The following CALN1 variants were observed in gnomAD, a reference collection of about 807,000 sequenced individuals.
CALN1 encodes calcium-binding protein 8.
Under a neutral mutation model 30.6 loss-of-function variants are expected in CALN1, and 17 were observed. That is an observed-to-expected ratio of 0.56 (90% CI 0.38 to 0.83). CALN1 has a LOEUF of 0.83. CALN1 is among the 40% of genes least tolerant of loss of function. The pLI, the probability that CALN1 is intolerant of heterozygous loss-of-function variation, is 0.00. For missense variants in CALN1, 291 were observed against 354.9 expected (o/e 0.82, Z 1.45); for synonymous variants, 156 against 131.4 (o/e 1.19, Z -1.28).
chr7:71,845,387 C>G (rs1040710729), intron 5 of CALN1, among the ~76,000 whole-genome samples: 1 of 152,176 alleles, frequency 6.6e-6, no homozygotes, highest in Non-Finnish European at 1.5e-5. Context: ...GCCTGTGTTT[C>G]GTTTAGGTGT....
chr7:72,130,892 G>GAAC (rs1554449284), intron 3 of CALN1, among the ~76,000 whole-genome samples: 1 of 151,630 alleles, frequency 6.6e-6, no homozygotes, highest in Non-Finnish European at 1.5e-5. Flanking sequence ...TGAATAAACA[G>GAAC]GTTATTTTTG....
rs56197069 is a variant in CALN1, at chr7:72,311,651, A to ATTTTTTTTTTTTTTTT, written c.120-32857_120-32842dup. Among the ~76,000 whole-genome samples, 17 of 48,534 alleles carry ATTTTTTTTTTTTTTTT rather than the reference A, an allele frequency of 3.5e-4. 2 individuals are homozygous for ATTTTTTTTTTTTTTTT. Among genetic ancestry groups the ATTTTTTTTTTTTTTTT allele is most frequent in the African/African-American group, 8.7e-4 (11 of 12,580 alleles). 31.8% of individuals were successfully genotyped at this position (48,534 alleles called of 152,430 possible). A position where few individuals can be genotyped will look rare whatever the true frequency, so the allele number is the denominator to read the frequency against. ...CATGCCACCACAACGCCTGGCTGAG[A>ATTTTTTTTTTTTTTTT]TTTTTTTTTTTTTTTTTTTTTTTTT... On this transcript the variant is annotated intron_variant, in intron 2 of 6. Coordinates refer to ENST00000395275, the MANE Select transcript of CALN1 (RefSeq NM_031468.4).
chr7:72,108,547 A>C (rs1807336315), intron 3 of CALN1, among the ~76,000 whole-genome samples: 1 of 152,222 alleles, frequency 6.6e-6, no homozygotes, highest in Admixed American at 6.5e-5. Context: ...GACTTCTGAC[A>C]AACTCTAATT....
At chr7:72,502,583 T>C in the CALN1 span, among the ~76,000 whole-genome samples, 1 of 152,038 alleles carries the variant, frequency 6.6e-6, no homozygotes, top group Non-Finnish European at 1.5e-5. Flanking sequence ...CATTATAGAA[T>C]TTTCTATTTA....
chr7:72,122,336 C>T (rs1808455352), intron 3 of CALN1, among the ~76,000 whole-genome samples: 1 of 152,074 alleles, frequency 6.6e-6, no homozygotes, highest in Non-Finnish European at 1.5e-5. Flanking sequence ...AGAACAAAAT[C>T]CAAGTTCCAG....
chr7:72,153,390 A>C (rs748789187), intron 3 of CALN1, among the ~76,000 whole-genome samples: 14 of 152,040 alleles, frequency 9.2e-5, no homozygotes, highest in Non-Finnish European at 2.1e-4. Context: ...ATTTCTGGAA[A>C]GTTGTCAGCC....
chr7:72,124,388 T>C (rs998836619), intron 3 of CALN1, among the ~76,000 whole-genome samples: 1 of 152,130 alleles, frequency 6.6e-6, no homozygotes, highest in Non-Finnish European at 1.5e-5. Context: ...AATAATTAGA[T>C]GACACTTCGG....
At chr7:72,095,446 CAA>C (rs902658938) in intron 4 of CALN1, among the ~76,000 whole-genome samples, 6 of 152,154 alleles carry the variant, frequency 3.9e-5, no homozygotes, top group African/African-American at 1.4e-4. Context: ...GAGTGAAATA[CAA>C]AAGAGTTTAA....
intron 3 of CALN1, among the ~76,000 whole-genome samples, chr7:72,256,009 T>C (rs1442721179): frequency 6.6e-6 from 1 of 152,244 alleles, no homozygotes; most frequent in East Asian, 1.9e-4. Flanking sequence ...ATTACAGGCG[T>C]GAGCCACCGC....
chr7:72,316,186 A>G (rs1800434073), intron 2 of CALN1, among the ~76,000 whole-genome samples: 1 of 152,012 alleles, frequency 6.6e-6, no homozygotes, highest in South Asian at 2.1e-4. Context: ...TTGTCCTTAA[A>G]AAAATACTTA....
At chr7:72,262,104 T>G (rs763347123) in intron 3 of CALN1, among the ~76,000 whole-genome samples, 4 of 152,184 alleles carry the variant, frequency 2.6e-5, no homozygotes, top group Admixed American at 6.5e-5. Context: ...TCACCCTCCA[T>G]AGGGGAGTGA....
chr7:72,382,113 G>T (rs1307580211), intron 2 of CALN1, among the ~76,000 whole-genome samples: 1 of 152,186 alleles, frequency 6.6e-6, no homozygotes, highest in African/African-American at 2.4e-5. Context: ...CAAGCCCCTT[G>T]GATGGACCCT....
chr7:72,361,398 C>T (rs895163750), intron 2 of CALN1, among the ~76,000 whole-genome samples: 2 of 152,082 alleles, frequency 1.3e-5, no homozygotes, highest in Non-Finnish European at 2.9e-5. Context: ...CCCAGCTACT[C>T]AGGAGGCTGA....
At position 71,782,316 on chromosome 7, in the gene CALN1, C is replaced by G. The variant is rs1004993314; in HGVS notation, c.*5459G>C. 2.0e-5 allele frequency: 3 copies of G among 152,132 alleles called. No homozygotes were observed. Among genetic ancestry groups the G allele is most frequent in the African/African-American group, 7.2e-5 (3 of 41,416 alleles). The allele number at this position is 152,132 out of a possible 1,614,324, so 9.4% of individuals were successfully genotyped here. A position where few individuals can be genotyped will look rare whatever the true frequency, so the allele number is the denominator to read the frequency against. On this transcript the variant is annotated 3_prime_UTR_variant, in exon 7 of 7. Transcript: ENST00000395275. ...CGGGTTGTTAAGAAAAGGAGACTGG[C>G]ACCTCTTCTCCTCTCTCTTGCTCCT...
chr7:72,249,107 C>T (rs1429417531), intron 3 of CALN1, among the ~76,000 whole-genome samples: 1 of 152,188 alleles, frequency 6.6e-6, no homozygotes. Flanking sequence ...AACTAGACAT[C>T]GCAGAGTTCT....
intron 2 of CALN1, chr7:72,337,866 A>C (rs1420010260): frequency 6.6e-6 from 1 of 152,330 alleles, no homozygotes; most frequent in Non-Finnish European, 1.5e-5. Flanking sequence ...TGGGAAGGAG[A>C]GGGCGCTTGG....
upstream of CALN1, among the ~76,000 whole-genome samples, chr7:72,415,776 G>A (rs1034496604): frequency 2.6e-5 from 4 of 152,192 alleles, no homozygotes; most frequent in Non-Finnish European, 4.4e-5. Flanking sequence ...GCAGAGGCCC[G>A]TGAGGGTACG....
chr7:71,808,147 A>G (rs1284187890), intron 6 of CALN1, among the ~76,000 whole-genome samples: 1 of 152,116 alleles, frequency 6.6e-6, no homozygotes, highest in African/African-American at 2.4e-5. Flanking sequence ...GTACCTAACC[A>G]TGGTTAGATA....
At chr7:72,301,610 CA>C (rs34940935) in intron 2 of CALN1, among the ~76,000 whole-genome samples, 22 of 104,312 alleles carry the variant, frequency 2.1e-4, no homozygotes, top group African/African-American at 5.3e-4. Context: ...CTTTGTCTCT[CA>C]AAAAAAAAAA....
Sources: allele counts gnomAD v4.1 joint callset (sites outside exome capture counted in the v4.1 genomes callset), GRCh38; gene constraint gnomAD v4.1.1; transcripts MANE v1.5; gene names NCBI Gene and HGNC (gene_info 2026-07-23, HGNC 2026-07-21).